Variants in TMEM232 observed in about 807,000 individuals in gnomAD.
The protein encoded by TMEM232 is transmembrane protein 232.
TMEM232 carries 80 observed loss-of-function variants against 78.8 expected under a neutral mutation model. That is an observed-to-expected ratio of 1.01 (90% CI 0.85 to 1.22). The LOEUF is 1.22. Ranked by LOEUF, TMEM232 falls within the 50% of genes most tolerant of loss-of-function variation. The pLI, the probability that TMEM232 is intolerant of heterozygous loss-of-function variation, is 0.00. For missense variants in TMEM232, 881 were observed against 742.2 expected (o/e 1.19, Z -2.17); for synonymous variants, 297 against 254.3 (o/e 1.17, Z -1.60).
intron 10 of TMEM232, among the ~76,000 whole-genome samples, chr5:110,604,076 T>C (rs1382506641): frequency 2.6e-5 from 4 of 152,180 alleles, no homozygotes; most frequent in Admixed American, 6.5e-5. Flanking sequence ...TTACCTATTA[T>C]GTATTATTAT....
At chr5:110,588,955 G>A (rs569731368) in intron 10 of TMEM232, among the ~76,000 whole-genome samples, 8 of 152,130 alleles carry the variant, frequency 5.3e-5, no homozygotes, top group African/African-American at 1.9e-4. Flanking sequence ...TCCCACAGAA[G>A]ACATCATTTC....
At chr5:110,568,789 T>C (rs952180857) in intron 10 of TMEM232, among the ~76,000 whole-genome samples, 164 bp from the exon 11 acceptor site, 2 of 151,958 alleles carry the variant, frequency 1.3e-5, no homozygotes, top group African/African-American at 4.8e-5. Flanking sequence ...CTTTCTCTCC[T>C]TTACATTTAA....
intron 2 of TMEM232, among the ~76,000 whole-genome samples, chr5:110,410,739 A>G (rs1580574673): frequency 6.6e-6 from 1 of 152,188 alleles, no homozygotes; most frequent in Non-Finnish European, 1.5e-5. Flanking sequence ...TAAACAAAAA[A>G]GTGAGGTGGT....
chr5:110,616,292 A>C (rs1782923153), intron 8 of TMEM232, among the ~76,000 whole-genome samples: 1 of 152,072 alleles, frequency 6.6e-6, no homozygotes, highest in Non-Finnish European at 1.5e-5. Flanking sequence ...CATTTTTGAC[A>C]GTTACCAAGA....
At chr5:110,520,645 C>T (rs1183341193) in intron 12 of TMEM232, among the ~76,000 whole-genome samples, 7 of 152,110 alleles carry the variant, frequency 4.6e-5, no homozygotes, top group African/African-American at 1.7e-4. Flanking sequence ...ATGGGCTGGG[C>T]ATGGTGGCTC....
chr5:110,558,887 C>A (rs991109268), intron 11 of TMEM232, among the ~76,000 whole-genome samples: 8 of 152,160 alleles, frequency 5.3e-5, no homozygotes, highest in South Asian at 2.1e-4. Flanking sequence ...TAACTCACCC[C>A]ACCTCTAGGG....
At chr5:110,460,896 T>C (rs1167180954) in intron 12 of TMEM232, among the ~76,000 whole-genome samples, 1 of 152,150 alleles carries the variant, frequency 6.6e-6, no homozygotes, top group Admixed American at 6.5e-5. Flanking sequence ...ACTCTGTCTA[T>C]AGAAGATGGC....
At chr5:110,427,623 A>C (rs148154611) in intron 12 of TMEM232, among the ~76,000 whole-genome samples, 2 of 152,052 alleles carry the variant, frequency 1.3e-5, no homozygotes, top group Middle Eastern at 3.4e-3. Context: ...TGGAGGAAAA[A>C]AAATTCTAAA....
chr5:110,535,124 G>A (rs1047434738), intron 11 of TMEM232, among the ~76,000 whole-genome samples: 1 of 152,014 alleles, frequency 6.6e-6, no homozygotes, highest in Admixed American at 6.6e-5. Context: ...GGAATGTCAG[G>A]CCTCTGAGCC....
At chr5:110,441,001 T>G (rs1197493138) in intron 12 of TMEM232, among the ~76,000 whole-genome samples, 1 of 152,188 alleles carries the variant, frequency 6.6e-6, no homozygotes, top group African/African-American at 2.4e-5. Flanking sequence ...ACATGTGGCT[T>G]TCAAGGTCAT....
At chr5:110,608,004 C>A (rs563010355) in intron 8 of TMEM232, among the ~76,000 whole-genome samples, 8 of 151,966 alleles carry the variant, frequency 5.3e-5, no homozygotes, top group African/African-American at 1.9e-4. Context: ...ATAAAGAAAG[C>A]TATTTGGTTA....
chr5:110,419,199 G>A (rs1756419856), downstream of TMEM232, among the ~76,000 whole-genome samples: 1 of 151,934 alleles, frequency 6.6e-6, no homozygotes, highest in African/African-American at 2.4e-5. Context: ...AGGGAAGAAA[G>A]CAAAGATGGA....
intron 11 of TMEM232, among the ~76,000 whole-genome samples, chr5:110,553,858 T>C (rs1372364065): frequency 1.3e-5 from 2 of 152,202 alleles, no homozygotes; most frequent in Admixed American, 6.5e-5. Flanking sequence ...GGGTTTGTCA[T>C]AGATGACTCT....
At chr5:110,693,787 A>G (rs1392690384) in intron 1 of TMEM232, among the ~76,000 whole-genome samples, 2 of 152,230 alleles carry the variant, frequency 1.3e-5, no homozygotes, top group Non-Finnish European at 2.9e-5. Context: ...AAAGCCTCCA[A>G]GAAATATGGG....
intron 12 of TMEM232, among the ~76,000 whole-genome samples, chr5:110,456,571 A>G (rs1014084552): frequency 1.3e-5 from 2 of 152,160 alleles, no homozygotes; most frequent in African/African-American, 4.8e-5. Flanking sequence ...GAAGCAAAAT[A>G]ACTAGAATAA....
intron 3 of TMEM232, among the ~76,000 whole-genome samples, chr5:110,394,840 C>A (rs1382177334): frequency 1.3e-5 from 2 of 152,042 alleles, no homozygotes; most frequent in Admixed American, 1.3e-4. Flanking sequence ...CAATTTTGGG[C>A]CTTCCCAAAA....
At chr5:110,659,491 A>C (rs138340012) in intron 2 of TMEM232, among the ~76,000 whole-genome samples, 1 of 152,260 alleles carries the variant, frequency 6.6e-6, no homozygotes, top group Non-Finnish European at 1.5e-5. Context: ...GCAAAGATTC[A>C]CTGGAGGAGG....
chr5:110,700,770 G>GTAGA (rs58050519), intron 1 of TMEM232, among the ~76,000 whole-genome samples: 6 of 131,152 alleles, frequency 4.6e-5, no homozygotes, highest in East Asian at 2.2e-4. Flanking sequence ...AGGTAGGTAG[G>GTAGA]TAGATAGATA....
chr5:110,598,977 A>G (rs927572937), intron 10 of TMEM232, among the ~76,000 whole-genome samples: 44 of 151,926 alleles, frequency 2.9e-4, no homozygotes, highest in Middle Eastern at 3.4e-3. Context: ...TAACCTGCAC[A>G]TTGTGCACAT....
Sources: allele counts gnomAD v4.1 joint callset (sites outside exome capture counted in the v4.1 genomes callset), GRCh38; gene constraint gnomAD v4.1.1; transcripts MANE v1.5; gene names NCBI Gene and HGNC (gene_info 2026-07-23, HGNC 2026-07-21).